The following VPS37A variants were observed in gnomAD, a reference collection of about 807,000 sequenced individuals.
The protein encoded by VPS37A is VPS37A subunit of ESCRT-I.
VPS37A carries 30 observed loss-of-function variants against 49.8 expected under a neutral mutation model. The ratio of observed to expected loss-of-function variants is 0.60; its 90% CI spans 0.45 to 0.82. The LOEUF is 0.82. Among genes scored for constraint, VPS37A ranks in the 40% least tolerant of loss-of-function variants. The pLI is 0.00. For missense variants in VPS37A, 593 were observed against 464.4 expected, an observed-to-expected ratio of 1.28 and a Z score of -2.55; for synonymous variants, 195 against 160.6, an observed-to-expected ratio of 1.21 and a Z score of -1.62.
intron 1 of VPS37A, among the ~76,000 whole-genome samples, chr8:17,262,798 C>G (rs550475173): frequency 6.6e-6 from 1 of 152,182 alleles, no homozygotes; most frequent in East Asian, 1.9e-4. Context: ...CACGGTGACT[C>G]ACGCCTGTAA....
At chr8:17,290,804 G>C (rs113168022) in intron 11 of VPS37A, among the ~76,000 whole-genome samples, 158 of 152,226 alleles carry the variant, frequency 1.0e-3, no homozygotes, top group African/African-American at 3.6e-3. Flanking sequence ...AATCAGTCTG[G>C]TACTGGGCTT....
intron 1 of VPS37A, among the ~76,000 whole-genome samples, chr8:17,249,663 G>A (rs1003728767): frequency 1.3e-5 from 2 of 152,124 alleles, no homozygotes; most frequent in Non-Finnish European, 2.9e-5. Flanking sequence ...TAAGCTGGGA[G>A]GTAAAAAATA....
rs536667013 is a variant in VPS37A at position 17,246,975 on chromosome 8, C to G, written c.-270C>G. On this transcript the variant is annotated 5_prime_UTR_variant, in exon 1 of 12. Transcript: ENST00000324849. The stretch of plus-strand genomic sequence containing the variant: ...GGTGGAGCGCTGGGCGGCCAGGCTC[C>G]CTGGCTGGCCGGTTTGGGCGTCTGG... The G allele has an allele frequency of 4.4e-5, 21 of 477,578 alleles. No homozygotes were observed. The highest frequency in any genetic ancestry group is 1.2e-3 in the Middle Eastern group (2 of 1,738). 29.6% of individuals were successfully genotyped at this position (477,578 alleles called of 1,614,324 possible).
intron 1 of VPS37A, among the ~76,000 whole-genome samples, chr8:17,263,108 A>G (rs1813113705): frequency 6.6e-6 from 1 of 152,164 alleles, no homozygotes. Context: ...TAATTTGGAA[A>G]GATAATCACA....
Position 17,247,346 on chromosome 8 carries a change from G to C in VPS37A, c.102G>C (p.Glu34Asp), listed in dbSNP as rs755621974. 1 of 1,421,330 alleles carries C rather than the reference G, an allele frequency of 7.0e-7. No homozygotes were observed. Among genetic ancestry groups the C allele is most frequent in the South Asian group, 1.2e-5 (1 of 82,656 alleles). The allele number at this position is 1,421,330 out of a possible 1,614,324, so 88.0% of individuals were successfully genotyped here. A position where few individuals can be genotyped will look rare whatever the true frequency, so the allele number is the denominator to read the frequency against. ...AGCAGCAGAAGCAGCGCCTGATCGA[G>C]TCCCTCCGGAACTCACACTCCAGGT... ...SLQQQKQRLI[E>D]SLRNSHSSIA... Residue 34 changes from glutamate (E) to aspartate (D), a missense_variant, in exon 1 of 12, where the codon GAG becomes GAC. Physicochemically the swap from Glu to Asp is conservative, Grantham distance 45. Transcript: ENST00000324849.
At chr8:17,307,315 G>A (rs183085059), downstream of VPS37A, among the ~76,000 whole-genome samples, 430 of 152,302 alleles carry the variant, frequency 2.8e-3, 7 homozygotes, top group Admixed American at 3.6e-3. Flanking sequence ...TCAGAGAAAT[G>A]CAAATCAAAA....
At chr8:17,294,303 C>G (rs1009803421) in intron 11 of VPS37A, among the ~76,000 whole-genome samples, 8 of 152,158 alleles carry the variant, frequency 5.3e-5, no homozygotes, top group African/African-American at 9.7e-5. Context: ...GCCCCTCCCC[C>G]CACCAAGCTC....
rs934500020 is a variant in VPS37A, at chr8:17,296,932, A to G, written c.*1946A>G. On this transcript the variant is annotated 3_prime_UTR_variant, in exon 12 of 12. Coordinates refer to ENST00000324849, the MANE Select transcript of VPS37A (RefSeq NM_152415.3). Reference sequence around the variant, plus strand: ...GTTATCTGCATTTAACAAATAGACAAATCAGTTTACATAAAGGTTATGTAT... The same window carrying G: ...GTTATCTGCATTTAACAAATAGACAGATCAGTTTACATAAAGGTTATGTAT... 1 of 152,104 alleles carries G rather than the reference A, an allele frequency of 6.6e-6. No individual in the cohort carries two copies. Among genetic ancestry groups the G allele is most frequent in the Non-Finnish European group, 1.5e-5 (1 of 67,956 alleles). The allele number at this position is 152,104 out of a possible 1,614,324, so 9.4% of individuals were successfully genotyped here. A position where few individuals can be genotyped will look rare whatever the true frequency, so the allele number is the denominator to read the frequency against.
intron 9 of VPS37A, among the ~76,000 whole-genome samples, chr8:17,282,401 T>C (rs1244026531): frequency 2.6e-5 from 4 of 152,114 alleles, no homozygotes; most frequent in Non-Finnish European, 5.9e-5. Flanking sequence ...TCAACTAGCT[T>C]CTAGGATTTT....
chr8:17,280,753 C>T (rs983814657), intron 9 of VPS37A, among the ~76,000 whole-genome samples: 4 of 151,734 alleles, frequency 2.6e-5, no homozygotes, highest in South Asian at 2.1e-4. Flanking sequence ...CAAAAACTTT[C>T]GACTCACTTG....
chr8:17,312,848 A>G, the VPS37A span, among the ~76,000 whole-genome samples: 1 of 152,132 alleles, frequency 6.6e-6, no homozygotes, highest in African/African-American at 2.4e-5. Flanking sequence ...GCATTCTAAA[A>G]CAGCTTATGT....
the VPS37A span, among the ~76,000 whole-genome samples, chr8:17,319,598 G>A: frequency 1.3e-5 from 2 of 152,194 alleles, no homozygotes; most frequent in Non-Finnish European, 2.9e-5. Flanking sequence ...CCAGGTACCA[G>A]ACACTATGCT....
chr8:17,302,097 C>G (rs777062164), downstream of VPS37A: 75 of 1,605,582 alleles, frequency 4.7e-5, no homozygotes, highest in South Asian at 7.3e-4. Context: ...TTTCATGAAG[C>G]CTTGCTCTTC....
At chr8:17,304,256 G>A, downstream of VPS37A, 2 of 1,055,972 alleles carry the variant, frequency 1.9e-6, no homozygotes, top group South Asian at 2.4e-5. Flanking sequence ...ATCTCCCTCT[G>A]GTGTCTTTTG....
intron 1 of VPS37A, among the ~76,000 whole-genome samples, chr8:17,250,150 G>T (rs748001203): frequency 6.6e-6 from 1 of 152,154 alleles, no homozygotes; most frequent in South Asian, 2.1e-4. Flanking sequence ...AGGGGAGGAG[G>T]AATTCTGGTT....
chr8:17,249,790 A>G lies in VPS37A; in HGVS notation c.125+2421A>G, dbSNP rs186003705. On this transcript the variant is annotated intron_variant, in intron 1 of 11. Coordinates refer to ENST00000324849, the MANE Select transcript of VPS37A (RefSeq NM_152415.3). ...AAAGACAGGTTAACAAGCGAAAAGC[A>G]TAACAGATTTATTTAATCAAAGTTT... Among the ~76,000 whole-genome samples, 134 of 152,386 alleles carry G rather than the reference A, an allele frequency of 8.8e-4. 1 individual carries two copies. The highest frequency in any genetic ancestry group is 3.4e-3 in the Middle Eastern group (1 of 294).
At chr8:17,261,545 CTT>C (rs1186070673) in intron 1 of VPS37A, among the ~76,000 whole-genome samples, 4 of 152,184 alleles carry the variant, frequency 2.6e-5, no homozygotes, top group African/African-American at 9.7e-5. Flanking sequence ...GCGTCTATGT[CTT>C]TACTTTGACG....
chr8:17,283,352 C>T (rs142991894), intron 9 of VPS37A, among the ~76,000 whole-genome samples: 37 of 152,148 alleles, frequency 2.4e-4, no homozygotes, highest in African/African-American at 7.7e-4. Flanking sequence ...GACGGGGTCT[C>T]GCTATGTTGC....
intron 1 of VPS37A, among the ~76,000 whole-genome samples, chr8:17,259,281 T>C (rs187971937): frequency 2.6e-4 from 39 of 152,242 alleles, no homozygotes; most frequent in Non-Finnish European, 4.9e-4. Flanking sequence ...TATTTCCATT[T>C]TCATCTGTTT....
Sources: allele counts gnomAD v4.1 joint callset (sites outside exome capture counted in the v4.1 genomes callset), GRCh38; gene constraint gnomAD v4.1.1; transcripts MANE v1.5; gene names NCBI Gene and HGNC (gene_info 2026-07-23, HGNC 2026-07-21).